The following TSBP1 variants were observed in gnomAD, a reference collection of about 807,000 sequenced individuals.
TSBP1 encodes the protein testis expressed basic protein 1.
Under a neutral mutation model 68.8 loss-of-function variants are expected in TSBP1, and 56 were observed. That is an observed-to-expected ratio of 0.81 (90% CI 0.66 to 1.02). The LOEUF (loss-of-function observed/expected upper bound fraction) is 1.02, where lower values mean the gene tolerates loss of function less well. TSBP1 is among the 50% of genes least tolerant of loss of function. The probability of loss-of-function intolerance (pLI) is 0.00; values close to 1 mark genes in which losing one functional copy is unlikely to be tolerated. For synonymous variants in TSBP1, 171 were observed against 208.7 expected (o/e 0.82, Z 1.56); for missense variants, 502 against 641.2 (o/e 0.78, Z 2.34).
chr6:32,369,781 G>A, intron 2 of TSBP1, 116 bp downstream of exon 2: 1 of 795,666 alleles, frequency 1.3e-6, no homozygotes, highest in Non-Finnish European at 2.3e-6. Flanking sequence ...CAGATTCCCA[G>A]AATATTGGCA....
intron 19 of TSBP1, among the ~76,000 whole-genome samples, chr6:32,308,302 T>TC (rs1289096515): frequency 7.9e-5 from 12 of 151,918 alleles, no homozygotes; most frequent in Non-Finnish European, 1.0e-4. Context: ...ATTTAGACTT[T>TC]TTTAACCCTC....
At chr6:32,354,888 A>C (rs1772109993) in intron 8 of TSBP1, among the ~76,000 whole-genome samples, 1 of 152,078 alleles carries the variant, frequency 6.6e-6, no homozygotes, top group African/African-American at 2.4e-5. Flanking sequence ...AAATAGACTT[A>C]AATATTTAAA....
chr6:32,328,413 A>G (rs1331480731), intron 16 of TSBP1, among the ~76,000 whole-genome samples: 1 of 146,032 alleles, frequency 6.8e-6, no homozygotes, highest in Non-Finnish European at 1.5e-5. Flanking sequence ...ACGCCCAGCT[A>G]ACTTTTGTAT....
chr6:32,328,887 C>A (rs1462842186), intron 16 of TSBP1, among the ~76,000 whole-genome samples: 12 of 152,110 alleles, frequency 7.9e-5, no homozygotes, highest in Non-Finnish European at 1.5e-5. Context: ...TGTTCACTAA[C>A]CTTTTAATTA....
At position 32,330,570 on chromosome 6, in the gene TSBP1, G is replaced by A. The variant is rs1241043337; in HGVS notation, c.514+19C>T. On this transcript the variant is annotated intron_variant, in intron 16 of 22. Transcript: ENST00000612031. ...AAGATCAAGGAACCTGGAGGGAGAAGGATAGATAAGGTACTTACCATTGGA... is the reference window on the plus strand; with the variant it reads ...AAGATCAAGGAACCTGGAGGGAGAAAGATAGATAAGGTACTTACCATTGGA... 1.9e-6 allele frequency: 3 copies of A among 1,580,234 alleles called. No individual in the cohort carries two copies. Among genetic ancestry groups the A allele is most frequent in the African/African-American group, 1.4e-5 (1 of 72,078 alleles).
chr6:32,355,463 C>T (rs1316138996), intron 7 of TSBP1, among the ~76,000 whole-genome samples, 186 bp downstream of exon 7: 4 of 152,024 alleles, frequency 2.6e-5, no homozygotes, highest in African/African-American at 7.3e-5. Context: ...TTGCTCATCA[C>T]TTCTATTGTT....
Position 32,325,119 on chromosome 6 carries a change from C to A in TSBP1, c.515-1505G>T. ...TCAGGTCTTTATTTTTTATGCGAGT[C>A]AGTGAATGTTCTAGAAACTTATTAA... is the stretch of plus-strand genomic sequence containing the variant. On this transcript the variant is annotated intron_variant, in intron 16 of 22. Coordinates refer to ENST00000612031, the Ensembl canonical transcript of TSBP1. The surrounding 1 kb of genome is among the most constrained non-coding windows in gnomAD (Gnocchi z 4.4). The A allele has an allele frequency of 2.1e-6, 1 of 468,174 alleles. No homozygotes were observed. The highest frequency in any genetic ancestry group is 3.2e-5 in the East Asian group (1 of 31,524). The allele number at this position is 468,174 out of a possible 1,614,324, so 29.0% of individuals were successfully genotyped here.
rs73396924 is a variant in TSBP1 at position 32,338,406 on chromosome 6, A to G, written c.409+573T>C. ...ATAAAAGTCATTGTTTCCATTTACC[A>G]TTTTTTTTCCTTTTTAAATCAACTT... is the stretch of plus-strand genomic sequence containing the variant. On this transcript the variant is annotated intron_variant, in intron 11 of 22. Transcript: ENST00000612031. This position sits in a 1 kb window ranked among gnomAD's most constrained non-coding sequence, Gnocchi z 5.5. Among the ~76,000 whole-genome samples the G allele has an allele frequency of 9.1e-3, 1,373 of 151,104 alleles. 18 individuals carry two copies. Among genetic ancestry groups the G allele is most frequent in the African/African-American group, 0.031 (1,270 of 41,170 alleles).
chr6:32,304,487 T>A lies in TSBP1; in HGVS notation c.581-1858A>T, dbSNP rs2127567558. On this transcript the variant is annotated intron_variant, in intron 19 of 22. Coordinates refer to ENST00000612031, the Ensembl canonical transcript of TSBP1. The surrounding 1 kb of genome is among the most constrained non-coding windows in gnomAD (Gnocchi z 4.8). ...ATGCTATCTCTTATTAAGTCAATTTTAACTCCACTTTAATAACTTAAATAT... is the reference window on the plus strand; with the variant it reads ...ATGCTATCTCTTATTAAGTCAATTTAAACTCCACTTTAATAACTTAAATAT... 1.3e-5 allele frequency among the ~76,000 whole-genome samples: 2 copies of A among 152,348 alleles called. No individual in the cohort carries two copies. The highest frequency in any genetic ancestry group is 3.9e-4 in the East Asian group (2 of 5,194).
chr6:32,318,908 A>G (rs2022542), intron 18 of TSBP1, among the ~76,000 whole-genome samples: 6,805 of 152,286 alleles, frequency 0.045, 290 homozygotes, highest in Non-Finnish European at 0.054. Flanking sequence ...GAATTGTGTC[A>G]TATGTGAATA....
intron 18 of TSBP1, among the ~76,000 whole-genome samples, chr6:32,319,559 C>T (rs904261823): frequency 1.3e-5 from 2 of 152,024 alleles, no homozygotes; most frequent in Non-Finnish European, 2.9e-5. Context: ...GCTCTTGTCG[C>T]TCTGGCCCTA....
At chr6:32,324,503 C>A in intron 16 of TSBP1, 1 of 978,306 alleles carries the variant, frequency 1.0e-6, no homozygotes, top group Non-Finnish European at 1.6e-6. Flanking sequence ...TCCAGTACAT[C>A]ATGAATAATG....
At chr6:32,311,933 C>T (rs980721213) in intron 19 of TSBP1, among the ~76,000 whole-genome samples, 1 of 152,088 alleles carries the variant, frequency 6.6e-6, no homozygotes, top group African/African-American at 2.4e-5. Context: ...ATTCTTGAGC[C>T]TCCTGAGGGT....
At chr6:32,327,530 G>A (rs985480680) in intron 16 of TSBP1, among the ~76,000 whole-genome samples, 7 of 152,202 alleles carry the variant, frequency 4.6e-5, no homozygotes, top group Non-Finnish European at 5.9e-5. Context: ...TGGCTATAAA[G>A]TGGTAAAGTG....
In TSBP1 at chr6:32,361,821, A is replaced by G. The variant is rs9268321; in HGVS notation, c.217+4346T>C. Among the ~76,000 whole-genome samples the G allele has an allele frequency of 0.89, 136,008 of 152,164 alleles. 60,890 individuals carry two copies. The highest frequency in any genetic ancestry group is 1 in the East Asian group (5,158 of 5,180). ...GAGTTCCTTATATATTTTGGATATT[A>G]CTGTGGTTTTAATGTCCTCTCCGAA... On this transcript the variant is annotated intron_variant, in intron 6 of 22. Coordinates refer to ENST00000612031, the Ensembl canonical transcript of TSBP1. The surrounding 1 kb of genome is among the most constrained non-coding windows in gnomAD (Gnocchi z 4.3).
At chr6:32,310,726 A>G (rs1006031030) in intron 19 of TSBP1, among the ~76,000 whole-genome samples, 3 of 144,694 alleles carry the variant, frequency 2.1e-5, no homozygotes, top group African/African-American at 5.1e-5. Context: ...TCTTCAAACT[A>G]TCTCTCAAAT....
At chr6:32,309,595 A>T (rs986886864) in intron 19 of TSBP1, among the ~76,000 whole-genome samples, 1 of 151,898 alleles carries the variant, frequency 6.6e-6, no homozygotes, top group African/African-American at 2.4e-5. Context: ...TCTTTTTAAA[A>T]TTTTTTTATT....
chr6:32,315,751 G>C lies in TSBP1; in HGVS notation c.580+21C>G. On this transcript the variant is annotated intron_variant, in intron 19 of 22. Transcript: ENST00000612031. The surrounding 1 kb of genome is among the most constrained non-coding windows in gnomAD (Gnocchi z 5.4). Reference sequence around the variant, plus strand: ...TAACATAAATCTCCACATATGACCAGCTGAGAAATAAAGAACTTACTTGCA... The same window carrying C: ...TAACATAAATCTCCACATATGACCACCTGAGAAATAAAGAACTTACTTGCA... 6.7e-7 allele frequency: 1 copy of C among 1,482,716 alleles called. No individual in the cohort carries two copies. Among genetic ancestry groups the C allele is most frequent in the South Asian group, 1.2e-5 (1 of 81,018 alleles). The allele number at this position is 1,482,716 out of a possible 1,614,324, so 91.8% of individuals were successfully genotyped here.
intron 18 of TSBP1, among the ~76,000 whole-genome samples, chr6:32,317,621 A>C (rs893264865): frequency 2.6e-5 from 4 of 152,232 alleles, no homozygotes; most frequent in Non-Finnish European, 5.9e-5. Flanking sequence ...AGACAAAAAC[A>C]ATCCCATTAA....
Sources: allele counts gnomAD v4.1 joint callset (sites outside exome capture counted in the v4.1 genomes callset), GRCh38; gene constraint gnomAD v4.1.1; non-coding constraint Gnocchi (gnomAD v3.1); transcripts MANE v1.5; gene names NCBI Gene and HGNC (gene_info 2026-07-23, HGNC 2026-07-21).